AASDH: variants seen among roughly 807,000 people sequenced by gnomAD.
AASDH encodes the protein beta-alanine-activating enzyme.
AASDH carries 81 observed loss-of-function variants against 102.3 expected under a neutral mutation model. That is an observed-to-expected ratio of 0.79 (90% CI 0.66 to 0.95). The LOEUF (loss-of-function observed/expected upper bound fraction) is 0.95. Among genes scored for constraint, AASDH ranks in the 40% least tolerant of loss-of-function variants. The pLI is 0.00. For missense variants in AASDH, 1,203 were observed against 1,266.2 expected, an observed-to-expected ratio of 0.95 and a Z score of 0.76; for synonymous variants, 398 against 454.0, an observed-to-expected ratio of 0.88 and a Z score of 1.57.
chr4:56,376,144 C>T (rs1752316277), intron 4 of AASDH, among the ~76,000 whole-genome samples: 1 of 151,950 alleles, frequency 6.6e-6, no homozygotes, highest in Admixed American at 6.6e-5. Flanking sequence ...CCGCTTCAAC[C>T]TCCCGAGTTG....
chr4:56,358,313 C>T (rs1335875623), intron 5 of AASDH, among the ~76,000 whole-genome samples: 2 of 151,682 alleles, frequency 1.3e-5, no homozygotes, highest in Non-Finnish European at 2.9e-5. Flanking sequence ...GTTGTACTTC[C>T]TCCTGTCCAA....
At chr4:56,371,771 A>G (rs1751742545) in intron 4 of AASDH, 128 bp from the exon 5 acceptor site, 1 of 791,488 alleles carries the variant, frequency 1.3e-6, no homozygotes, top group South Asian at 2.5e-5. Context: ...CTTCTCTCTT[A>G]AATTAGCCAA....
At chr4:56,355,058 A>G (rs1347142262) in intron 6 of AASDH, 124 bp downstream of exon 6, 6 of 1,246,066 alleles carry the variant, frequency 4.8e-6, no homozygotes, top group Non-Finnish European at 6.5e-6. Flanking sequence ...TTCCCAACTT[A>G]AAATATCAGA....
chr4:56,378,053 G>C, intron 4 of AASDH, 95 bp downstream of exon 4: 1 of 1,226,256 alleles, frequency 8.2e-7, no homozygotes, highest in South Asian at 1.5e-5. Context: ...TGATCCACCC[G>C]CCTCAGCCTC....
intron 14 of AASDH, among the ~76,000 whole-genome samples, chr4:56,341,637 G>C (rs1345262613): frequency 1.3e-5 from 2 of 149,098 alleles, no homozygotes; most frequent in Non-Finnish European, 3.0e-5. Flanking sequence ...TCCTGACTCT[G>C]TGATCCTCCC....
At chr4:56,341,389 C>CTTTTTTATTTTTTTTTTT (rs1747660943) in intron 14 of AASDH, among the ~76,000 whole-genome samples, 1 of 92,414 alleles carries the variant, frequency 1.1e-5, no homozygotes, top group Non-Finnish European at 2.0e-5. Flanking sequence ...AGACTTTTAT[C>CTTTTTTATTTTTTTTTTT]TTTTTTTTTT....
At chr4:56,376,411 T>C (rs116444104) in intron 4 of AASDH, among the ~76,000 whole-genome samples, 3,136 of 152,284 alleles carry the variant, frequency 0.021, 48 homozygotes, top group South Asian at 0.047. Context: ...AAAATAACAT[T>C]TGACTTTTGT....
At position 56,349,369 on chromosome 4, in the gene AASDH, C is replaced by T; in HGVS notation, c.2382G>A (p.Met794Ile). Residue 794 changes from methionine (M) to isoleucine (I), a missense_variant, in exon 11 of 15, where the codon ATG (methionine) becomes ATA (isoleucine). Coordinates refer to ENST00000205214, the MANE Select transcript of AASDH (RefSeq NM_181806.4). ...TVYIGSHSHR[M>I]KAVDFYSGKV... is the part of the protein sequence containing the mutation. ...TCCCAGAGTAAAAGTCAACTGCCTT[C>T]ATTCTATGAGAATGGGAACCAATGT... 6.2e-7 allele frequency: 1 copy of T among 1,614,198 alleles called. No individual in the cohort carries two copies. Among genetic ancestry groups the T allele is most frequent in the Non-Finnish European group, 8.5e-7 (1 of 1,180,036 alleles).
At chr4:56,355,585 ATCT>A (rs1468141677) in intron 5 of AASDH, among the ~76,000 whole-genome samples, 162 bp from the exon 6 acceptor site, 214 of 130,928 alleles carry the variant, frequency 1.6e-3, no homozygotes, top group African/African-American at 5.6e-3. Flanking sequence ...GTGCAACATT[ATCT>A]TCTTGTTTTT....
intron 5 of AASDH, among the ~76,000 whole-genome samples, chr4:56,369,294 C>T (rs942997969): frequency 6.6e-6 from 1 of 152,148 alleles, no homozygotes; most frequent in Admixed American, 6.5e-5. Context: ...GTCTCCTTCC[C>T]TTTTAGTAAC....
chr4:56,358,592 GCATC>G (rs1390422844), intron 5 of AASDH, among the ~76,000 whole-genome samples: 3 of 151,492 alleles, frequency 2.0e-5, no homozygotes, highest in Non-Finnish European at 4.4e-5. Flanking sequence ...TCCTTTCTCT[GCATC>G]CATTAAGATA....
intron 4 of AASDH, among the ~76,000 whole-genome samples, chr4:56,373,432 C>T (rs188753709): frequency 3.9e-5 from 6 of 152,170 alleles, no homozygotes; most frequent in East Asian, 3.9e-4. Flanking sequence ...TGTGAGCCAC[C>T]GCGCCTGGCC....
chr4:56,354,321 T>A, intron 7 of AASDH, 110 bp from the exon 8 acceptor site: 1 of 896,148 alleles, frequency 1.1e-6, no homozygotes, highest in African/African-American at 1.7e-5. Flanking sequence ...ATTTAAATAT[T>A]AAAAGATGGG....
At chr4:56,369,133 G>T (rs1578034383) in intron 5 of AASDH, among the ~76,000 whole-genome samples, 1 of 152,156 alleles carries the variant, frequency 6.6e-6, no homozygotes, top group East Asian at 1.9e-4. Flanking sequence ...TCTTGGAAAA[G>T]AGTAAGTTTC....
At chr4:56,351,534 C>A in intron 9 of AASDH, 77 bp from the exon 10 acceptor site, 2 of 776,276 alleles carry the variant, frequency 2.6e-6, no homozygotes, top group East Asian at 2.7e-5. Flanking sequence ...ATTCATTAGC[C>A]ATATACATTT....
chr4:56,378,552 C>T, intron 3 of AASDH, 88 bp from the exon 4 acceptor site: 1 of 1,140,144 alleles, frequency 8.8e-7, no homozygotes, highest in East Asian at 2.6e-5. Flanking sequence ...TACAGTCATC[C>T]CTCAGTATCC....
chr4:56,339,088 A>AGAC (rs1372693567), intron 14 of AASDH, among the ~76,000 whole-genome samples: 2 of 152,208 alleles, frequency 1.3e-5, no homozygotes, highest in Admixed American at 6.5e-5. Context: ...TATTATTCAG[A>AGAC]GACACTGAGT....
intron 5 of AASDH, among the ~76,000 whole-genome samples, chr4:56,364,675 T>G (rs1750763141): frequency 6.6e-6 from 1 of 152,116 alleles, no homozygotes; most frequent in African/African-American, 2.4e-5. Flanking sequence ...TGCTGAGAGA[T>G]TTTGTCACCA....
chr4:56,364,410 A>T (rs1405750165), intron 5 of AASDH, among the ~76,000 whole-genome samples: 1 of 152,228 alleles, frequency 6.6e-6, no homozygotes, highest in African/African-American at 2.4e-5. Context: ...CCAAGACACA[A>T]AATTGTCAGA....
Sources: allele counts gnomAD v4.1 joint callset (sites outside exome capture counted in the v4.1 genomes callset), GRCh38; gene constraint gnomAD v4.1.1; transcripts MANE v1.5; gene names NCBI Gene and HGNC (gene_info 2026-07-23, HGNC 2026-07-21).